The following MYT1L variants were observed in gnomAD, a reference collection of about 807,000 sequenced individuals.
MYT1L encodes myelin transcription factor 1-like protein.
MYT1L carries 12 observed loss-of-function variants against 126.7 expected under a neutral mutation model. The ratio of observed to expected loss-of-function variants is 0.09; its 90% CI spans 0.06 to 0.15. The LOEUF (loss-of-function observed/expected upper bound fraction) is 0.15, where lower values mean the gene tolerates loss of function less well. Ranked by LOEUF, MYT1L falls within the 10% of genes least tolerant of loss-of-function variation. The pLI, the probability that MYT1L is intolerant of heterozygous loss-of-function variation, is 1.00. For missense variants in MYT1L, 979 were observed against 1,585.2 expected (o/e 0.62, Z 6.49); for synonymous variants, 541 against 604.2 (o/e 0.90, Z 1.53).
At chr2:2,006,736 C>T (rs553070259) in intron 4 of MYT1L, among the ~76,000 whole-genome samples, 212 of 151,984 alleles carry the variant, frequency 1.4e-3, no homozygotes, top group African/African-American at 4.4e-3. Context: ...TCACCATGCC[C>T]GGCTAATTTT....
chr2:1,801,593 A>G lies in MYT1L; in HGVS notation c.3276+103T>C. The stretch of plus-strand genomic sequence containing the variant: ...AAAAATAAAGGAAATAAAAGAGCAA[A>G]TAAGAGGAAACGACAGCTCTCCTAA... On this transcript the variant is annotated intron_variant, in intron 23 of 24. Coordinates refer to ENST00000647738, the MANE Select transcript of MYT1L (RefSeq NM_001303052.2). This position sits in a 1 kb window ranked among gnomAD's most constrained non-coding sequence, Gnocchi z 4.2. 5.5e-6 allele frequency: 4 copies of G among 724,208 alleles called. No individual in the cohort carries two copies. The highest frequency in any genetic ancestry group is 9.6e-6 in the Non-Finnish European group (4 of 417,668). 44.9% of individuals were successfully genotyped at this position (724,208 alleles called of 1,614,324 possible). A position where few individuals can be genotyped will look rare whatever the true frequency, so the allele number is the denominator to read the frequency against.
chr2:2,231,695 G>A (rs1235378192), intron 2 of MYT1L, among the ~76,000 whole-genome samples: 3 of 152,080 alleles, frequency 2.0e-5, no homozygotes, highest in African/African-American at 7.2e-5. Context: ...CAATCCACCC[G>A]CCTCAGCCTC....
chr2:1,892,090 G>C lies in MYT1L; in HGVS notation c.2230C>G (p.Arg744Gly). Residue 744 changes from arginine (R) to glycine (G), a missense_variant, in exon 15 of 25, where the codon CGC (arginine) becomes GGC (glycine). Coordinates refer to ENST00000647738, the MANE Select transcript of MYT1L (RefSeq NM_001303052.2). ...TAILNLSTRC[R>G]EMPQNLSTKP... ...GTGCTCAGGTTCTGCGGCATCTCGCGGCAGCGCGTGGACAGGTTGAGGATG... is the reference window on the plus strand; with the variant it reads ...GTGCTCAGGTTCTGCGGCATCTCGCCGCAGCGCGTGGACAGGTTGAGGATG... 1 of 1,543,364 alleles carries C rather than the reference G, an allele frequency of 6.5e-7. No homozygotes were observed. Among genetic ancestry groups the C allele is most frequent in the Non-Finnish European group, 8.7e-7 (1 of 1,146,320 alleles).
At chr2:1,926,278 G>A (rs1161751538) in intron 9 of MYT1L, among the ~76,000 whole-genome samples, 1 of 152,212 alleles carries the variant, frequency 6.6e-6, no homozygotes, top group Non-Finnish European at 1.5e-5. Context: ...GGAACAGCCA[G>A]TCAATCCATC....
chr2:2,073,941 C>T (rs918959633), intron 3 of MYT1L, among the ~76,000 whole-genome samples: 4 of 152,182 alleles, frequency 2.6e-5, no homozygotes, highest in Non-Finnish European at 5.9e-5. Context: ...GCTTACTGTA[C>T]ACCTGCCTTC....
At chr2:2,257,858 C>A (rs1472912221) in intron 2 of MYT1L, among the ~76,000 whole-genome samples, 5 of 148,620 alleles carry the variant, frequency 3.4e-5, no homozygotes, top group Admixed American at 2.7e-4. Context: ...CATCAAGCTA[C>A]CAATGACTTT....
rs2042383489 is a variant in MYT1L at position 1,845,574 on chromosome 2, C to CCCCGCTGGTCAT, written c.2775-4732_2775-4731insATGACCAGCGGG. The stretch of plus-strand genomic sequence containing the variant: ...CTCCCACTCCTGGCCCTGCTGGTCA[C>CCCCGCTGGTCAT]GGCCCCATTGCTGCTCTCCTCACCT... On this transcript the variant is annotated intron_variant, in intron 19 of 24. Transcript: ENST00000647738. Among the ~76,000 whole-genome samples, 25 of 151,948 alleles carry CCCCGCTGGTCAT rather than the reference C, an allele frequency of 1.6e-4. No individual in the cohort carries two copies. In the South Asian group the frequency reaches 5.0e-3, roughly 30 times the overall value.
At chr2:2,166,304 G>A (rs987328546) in intron 3 of MYT1L, among the ~76,000 whole-genome samples, 1 of 151,988 alleles carries the variant, frequency 6.6e-6, no homozygotes, top group Non-Finnish European at 1.5e-5. Context: ...ACTCTCCTAT[G>A]GCCTCCCTCC....
intron 2 of MYT1L, among the ~76,000 whole-genome samples, chr2:2,261,337 C>T (rs1459995130): frequency 2.0e-5 from 3 of 152,186 alleles, no homozygotes; most frequent in Non-Finnish European, 4.4e-5. Flanking sequence ...AATCTGATTA[C>T]AGTCTTTTAG....
intron 13 of MYT1L, among the ~76,000 whole-genome samples, chr2:1,907,959 C>T (rs979226646): frequency 7.2e-5 from 11 of 152,364 alleles, no homozygotes; most frequent in African/African-American, 2.6e-4. Context: ...CCTGAACAAC[C>T]AGGAATGGCT....
chr2:1,940,543 C>T (rs1479028719), intron 9 of MYT1L, among the ~76,000 whole-genome samples: 1 of 151,032 alleles, frequency 6.6e-6, no homozygotes, highest in East Asian at 2.0e-4. Flanking sequence ...CAACATCTCC[C>T]TGTGGCTGCA....
In MYT1L at chr2:1,929,813, A is replaced by C. The variant is rs2149162977; in HGVS notation, c.506-6550T>G. Reference sequence around the variant, plus strand: ...GAAGAAACTTAGGTCCTGGGAGTTGAAGTCACCTGCTTGCCATTCATACTC... The same window carrying C: ...GAAGAAACTTAGGTCCTGGGAGTTGCAGTCACCTGCTTGCCATTCATACTC... On this transcript the variant is annotated intron_variant, in intron 9 of 24. Coordinates refer to ENST00000647738, the MANE Select transcript of MYT1L (RefSeq NM_001303052.2). This position sits in a 1 kb window ranked among gnomAD's most constrained non-coding sequence, Gnocchi z 4.7. Among the ~76,000 whole-genome samples, 1 of 152,332 alleles carries C rather than the reference A, an allele frequency of 6.6e-6. No homozygotes were observed. Among genetic ancestry groups the C allele is most frequent in the East Asian group, 1.9e-4 (1 of 5,182 alleles).
chr2:2,067,925 C>A (rs148314070), intron 3 of MYT1L, among the ~76,000 whole-genome samples: 1 of 152,194 alleles, frequency 6.6e-6, no homozygotes. Context: ...AAATAATCAA[C>A]AATTATTTGT....
intron 1 of MYT1L, among the ~76,000 whole-genome samples, chr2:2,297,500 GC>G (rs771444737): frequency 7.9e-5 from 12 of 152,148 alleles, no homozygotes. Flanking sequence ...CCAAATACAT[GC>G]TTTTCTGCAG....
At chr2:2,067,343 T>C (rs1408066979) in intron 3 of MYT1L, among the ~76,000 whole-genome samples, 2 of 152,160 alleles carry the variant, frequency 1.3e-5, no homozygotes, top group Non-Finnish European at 2.9e-5. Flanking sequence ...CATATATTCC[T>C]TAACAAGTAG....
At chr2:2,313,888 C>G (rs184964236) in intron 1 of MYT1L, among the ~76,000 whole-genome samples, 2 of 152,104 alleles carry the variant, frequency 1.3e-5, no homozygotes, top group South Asian at 2.1e-4. Context: ...GGGGCCCAAC[C>G]CTCACTCTAG....
intron 2 of MYT1L, among the ~76,000 whole-genome samples, chr2:2,266,731 C>A (rs929123805): frequency 4.6e-5 from 7 of 152,256 alleles, no homozygotes; most frequent in African/African-American, 1.7e-4. Flanking sequence ...ATAATTGAAA[C>A]ATGGGGGCAG....
chr2:2,176,196 C>A (rs1180564678), intron 2 of MYT1L, among the ~76,000 whole-genome samples: 1 of 151,874 alleles, frequency 6.6e-6, no homozygotes, highest in East Asian at 1.9e-4. Context: ...ACCATATAGA[C>A]AATGAAAAGG....
At chr2:2,138,113 A>G (rs889159235) in intron 3 of MYT1L, among the ~76,000 whole-genome samples, 7 of 152,396 alleles carry the variant, frequency 4.6e-5, no homozygotes, top group Admixed American at 4.6e-4. Flanking sequence ...TGTCCATCAG[A>G]GAAATGCAAA....
Sources: allele counts gnomAD v4.1 joint callset (sites outside exome capture counted in the v4.1 genomes callset), GRCh38; gene constraint gnomAD v4.1.1; non-coding constraint Gnocchi (gnomAD v3.1); transcripts MANE v1.5; gene names NCBI Gene and HGNC (gene_info 2026-07-23, HGNC 2026-07-21).